Variants in AFF3 observed in about 807,000 individuals in gnomAD.
The protein encoded by AFF3 is AF4/FMR2 family member 3.
A neutral mutation model predicts 129.7 loss-of-function variants in AFF3; 32 were observed. The ratio of observed to expected loss-of-function variants is 0.25; its 90% CI spans 0.19 to 0.33. The LOEUF (loss-of-function observed/expected upper bound fraction) is 0.33. Among genes scored for constraint, AFF3 ranks in the 10% least tolerant of loss-of-function variants. AFF3 has a pLI of 1.00. For missense variants in AFF3, 1,373 were observed against 1,592.0 expected (o/e 0.86, Z 2.34); for synonymous variants, 644 against 635.4 (o/e 1.01, Z -0.20).
chr2:99,798,793 C>T (rs114989847), intron 8 of AFF3, among the ~76,000 whole-genome samples: 10 of 152,016 alleles, frequency 6.6e-5, no homozygotes, highest in Non-Finnish European at 8.8e-5. Flanking sequence ...TCAAAATACA[C>T]GAAGCAAAAG....
chr2:99,868,523 A>G (rs887638872), intron 7 of AFF3, among the ~76,000 whole-genome samples: 1 of 152,156 alleles, frequency 6.6e-6, no homozygotes, highest in Admixed American at 6.5e-5. Context: ...ATCTTGCTAT[A>G]AAAGTTCTGG....
chr2:99,773,395 C>G (rs1683644170), intron 8 of AFF3, among the ~76,000 whole-genome samples: 1 of 152,180 alleles, frequency 6.6e-6, no homozygotes, highest in South Asian at 2.1e-4. Flanking sequence ...AATATAAACT[C>G]ATATAATTTT....
At chr2:99,958,466 C>T (rs572974280) in intron 7 of AFF3, among the ~76,000 whole-genome samples, 1 of 136,754 alleles carries the variant, frequency 7.3e-6, no homozygotes, top group African/African-American at 2.7e-5. Flanking sequence ...GCCTGGGTGA[C>T]AGAGCAAGAC....
Position 99,752,318 on chromosome 2 carries a change from AAAC to A in AFF3, c.922-20_922-18del. On this transcript the variant is annotated intron_variant, in intron 8 of 24. Coordinates refer to ENST00000672756, the MANE Select transcript of AFF3 (RefSeq NM_001386135.1). ...GGTCATCTCCTGAAGGACGGGATAAAAACAAACAATATTGTGATACAGACAGTA... is the reference window on the plus strand; with the variant it reads ...GGTCATCTCCTGAAGGACGGGATAAAAAACAATATTGTGATACAGACAGTA... 1 of 1,603,452 alleles carries A rather than the reference AAAC, an allele frequency of 6.2e-7. No individual in the cohort carries two copies.
At chr2:99,850,556 A>G (rs889306378) in intron 7 of AFF3, among the ~76,000 whole-genome samples, 7 of 152,238 alleles carry the variant, frequency 4.6e-5, no homozygotes, top group Admixed American at 2.6e-4. Context: ...AGTTAGAATA[A>G]TCTACAAAGA....
chr2:99,558,586 C>A (rs1465263548), intron 22 of AFF3, among the ~76,000 whole-genome samples: 1 of 152,174 alleles, frequency 6.6e-6, no homozygotes, highest in African/African-American at 2.4e-5. Flanking sequence ...CACCATTGCA[C>A]TGCAGCCTGG....
intron 7 of AFF3, among the ~76,000 whole-genome samples, chr2:99,905,808 T>G (rs1446707072): frequency 6.6e-6 from 1 of 152,174 alleles, no homozygotes; most frequent in African/African-American, 2.4e-5. Context: ...ATTCAGTTGG[T>G]ACTCATACCA....
intron 8 of AFF3, among the ~76,000 whole-genome samples, chr2:99,782,152 T>C (rs527524504): frequency 5.5e-4 from 84 of 152,308 alleles, no homozygotes; most frequent in African/African-American, 2.0e-3. Context: ...CCATTTCCCC[T>C]TGGGCATGAA....
At chr2:99,870,348 C>T (rs1227678807) in intron 7 of AFF3, among the ~76,000 whole-genome samples, 2 of 152,240 alleles carry the variant, frequency 1.3e-5, no homozygotes, top group African/African-American at 4.8e-5. Flanking sequence ...ACCCTCTGGA[C>T]CTAGATTTCT....
At chr2:100,105,667 CTTACT>C (rs1199791532) in intron 2 of AFF3, 84 bp from the exon 3 acceptor site, 9 of 1,347,122 alleles carry the variant, frequency 6.7e-6, no homozygotes, top group Non-Finnish European at 8.9e-6. Flanking sequence ...TTCCCCCTGG[CTTACT>C]TTTTTAGACA....
intron 2 of AFF3, among the ~76,000 whole-genome samples, chr2:100,122,758 A>AT (rs1462800011): frequency 6.6e-6 from 1 of 152,194 alleles, no homozygotes; most frequent in Non-Finnish European, 1.5e-5. Flanking sequence ...CAAAATGTAC[A>AT]TTTTTCAAAT....
intron 11 of AFF3, among the ~76,000 whole-genome samples, chr2:99,674,147 G>A (rs1004425459): frequency 6.6e-6 from 1 of 152,194 alleles, no homozygotes; most frequent in African/African-American, 2.4e-5. Flanking sequence ...GTGCCGAGAG[G>A]TGTCGTTCTT....
intron 4 of AFF3, among the ~76,000 whole-genome samples, chr2:100,088,318 A>G (rs1331197231): frequency 6.6e-6 from 1 of 152,216 alleles, no homozygotes; most frequent in African/African-American, 2.4e-5. Flanking sequence ...GAATACACTC[A>G]GCGAGGTCAC....
At chr2:99,748,478 G>A (rs901001555) in intron 9 of AFF3, among the ~76,000 whole-genome samples, 3 of 152,110 alleles carry the variant, frequency 2.0e-5, no homozygotes, top group African/African-American at 7.2e-5. Context: ...CAAATCATTA[G>A]AGCCCAAGGC....
chr2:99,715,497 G>A (rs1678291019), intron 11 of AFF3, among the ~76,000 whole-genome samples: 1 of 152,006 alleles, frequency 6.6e-6, no homozygotes, highest in Non-Finnish European at 1.5e-5. Flanking sequence ...ACATTTCATG[G>A]GTCTGAGCTT....
chr2:100,107,899 G>A (rs1267608258), intron 2 of AFF3, among the ~76,000 whole-genome samples: 1 of 152,110 alleles, frequency 6.6e-6, no homozygotes, highest in Non-Finnish European at 1.5e-5. Context: ...TCCTGAAGAC[G>A]CAGCTGCAAC....
chr2:99,933,054 A>C (rs1165239498), intron 7 of AFF3, among the ~76,000 whole-genome samples: 1 of 152,210 alleles, frequency 6.6e-6, no homozygotes, highest in East Asian at 1.9e-4. Flanking sequence ...TAATTAAAAG[A>C]GATTGATGTT....
intron 7 of AFF3, among the ~76,000 whole-genome samples, chr2:99,968,505 T>C (rs1045542660): frequency 1.3e-5 from 2 of 152,162 alleles, no homozygotes; most frequent in Admixed American, 1.3e-4. Context: ...AGCAAATCTT[T>C]TTTTTCTCCA....
chr2:99,840,289 A>G (rs1356253777), intron 7 of AFF3, among the ~76,000 whole-genome samples: 1 of 152,114 alleles, frequency 6.6e-6, no homozygotes, highest in African/African-American at 2.4e-5. Context: ...TTCTTTCAAG[A>G]GTTTTACAGA....
Sources: gnomAD v4.1 joint callset for allele counts (sites outside exome capture counted in the v4.1 genomes callset) on GRCh38, gnomAD v4.1.1 for gene constraint, MANE v1.5 for transcripts, NCBI Gene and HGNC (gene_info 2026-07-23, HGNC 2026-07-21) for gene names.